The following TCF12 variants were observed in gnomAD, a reference collection of about 807,000 sequenced individuals.
The protein encoded by TCF12 is transcription factor 12.
In TCF12, 45 loss-of-function variants were observed where a neutral mutation model predicts 86.0. That is an observed-to-expected ratio of 0.52 (90% CI 0.41 to 0.67). The LOEUF (loss-of-function observed/expected upper bound fraction) is 0.67, where lower values mean the gene tolerates loss of function less well. Among genes scored for constraint, TCF12 ranks in the 30% least tolerant of loss-of-function variants. TCF12 has a pLI of 0.00. For missense variants in TCF12, 881 were observed against 859.9 expected, an observed-to-expected ratio of 1.02 and a Z score of -0.31; for synonymous variants, 330 against 299.6, an observed-to-expected ratio of 1.10 and a Z score of -1.05.
At chr15:57,185,716 C>T (rs1228080761) in intron 6 of TCF12, among the ~76,000 whole-genome samples, 1 of 152,086 alleles carries the variant, frequency 6.6e-6, no homozygotes, top group Non-Finnish European at 1.5e-5. Context: ...GACCCCATCT[C>T]TACAAAACAA....
intron 8 of TCF12, among the ~76,000 whole-genome samples, chr15:57,220,894 A>AGGG (rs530147562): frequency 6.6e-6 from 1 of 151,980 alleles, no homozygotes; most frequent in Non-Finnish European, 1.5e-5. Flanking sequence ...GGCTTAGTGA[A>AGGG]GGGGGGGAGA....
intron 3 of TCF12, among the ~76,000 whole-genome samples, chr15:56,987,769 G>GT (rs1299641782): frequency 6.6e-6 from 1 of 152,172 alleles, no homozygotes; most frequent in Non-Finnish European, 1.5e-5. Flanking sequence ...CTGATGTGTG[G>GT]TATTCTAATT....
intron 5 of TCF12, among the ~76,000 whole-genome samples, chr15:57,119,282 GTTTGTTTGTTTT>G (rs1336544606): frequency 9.3e-5 from 14 of 151,282 alleles, no homozygotes; most frequent in Admixed American, 7.3e-4. Context: ...TTTTTTGTTT[GTTTGTTTGTTTT>G]TTTGTTTTTT....
At chr15:57,228,781 A>G (rs1245939478) in intron 8 of TCF12, among the ~76,000 whole-genome samples, 2 of 152,020 alleles carry the variant, frequency 1.3e-5, no homozygotes, top group South Asian at 2.1e-4. Flanking sequence ...AGCGAATTGA[A>G]TGGGAATAAG....
intron 5 of TCF12, among the ~76,000 whole-genome samples, chr15:57,161,058 G>C (rs2054474165): frequency 6.6e-6 from 1 of 152,028 alleles, no homozygotes; most frequent in African/African-American, 2.4e-5. Context: ...ATGTTTGATG[G>C]AATGTATGGA....
At chr15:57,021,113 A>C (rs2065452238) in intron 3 of TCF12, among the ~76,000 whole-genome samples, 1 of 152,162 alleles carries the variant, frequency 6.6e-6, no homozygotes, top group African/African-American at 2.4e-5. Context: ...TATAGAACAA[A>C]ATTATGAACA....
chr15:57,084,202 T>C (rs1395284489), intron 4 of TCF12, among the ~76,000 whole-genome samples: 2 of 152,218 alleles, frequency 1.3e-5, no homozygotes, highest in African/African-American at 4.8e-5. Flanking sequence ...ATACTGTTGA[T>C]TTATAGTAGT....
chr15:57,080,038 A>G (rs1351008765), intron 4 of TCF12, among the ~76,000 whole-genome samples: 13 of 152,234 alleles, frequency 8.5e-5, no homozygotes, highest in Non-Finnish European at 1.5e-4. Flanking sequence ...TTTCAAATTG[A>G]AAAATTACAG....
intron 3 of TCF12, among the ~76,000 whole-genome samples, chr15:57,054,725 A>G (rs1478071723): frequency 1.5e-5 from 1 of 68,336 alleles, no homozygotes; most frequent in Admixed American, 1.4e-4. Context: ...TTGGGGTGGG[A>G]TTTTCTTAGG....
intron 5 of TCF12, among the ~76,000 whole-genome samples, chr15:57,156,621 T>C (rs1167297166): frequency 1.3e-5 from 2 of 152,212 alleles, no homozygotes; most frequent in Non-Finnish European, 2.9e-5. Context: ...TCTGCCTTCA[T>C]ATGGCTTTAT....
chr15:57,272,422 A>G (rs1334289859), intron 18 of TCF12, among the ~76,000 whole-genome samples: 3 of 152,234 alleles, frequency 2.0e-5, no homozygotes. Flanking sequence ...CTCTAGAACA[A>G]AAAAATAGCC....
chr15:56,963,963 G>T (rs2061890477), intron 3 of TCF12, among the ~76,000 whole-genome samples: 1 of 152,198 alleles, frequency 6.6e-6, no homozygotes, highest in Non-Finnish European at 1.5e-5. Context: ...TGCTGGGTGT[G>T]TTGACAGGAA....
chr15:56,923,853 A>G (rs775467417), intron 3 of TCF12, among the ~76,000 whole-genome samples: 2 of 152,052 alleles, frequency 1.3e-5, no homozygotes, highest in African/African-American at 2.4e-5. Context: ...CTAGAATGTC[A>G]TTTTAACTAT....
intron 4 of TCF12, among the ~76,000 whole-genome samples, chr15:57,087,586 A>G (rs1316272741): frequency 6.6e-6 from 1 of 152,122 alleles, no homozygotes; most frequent in Non-Finnish European, 1.5e-5. Context: ...TACTTTATAG[A>G]CCACATTTTA....
chr15:56,963,509 T>A (rs2061868139), intron 3 of TCF12, among the ~76,000 whole-genome samples: 2 of 152,190 alleles, frequency 1.3e-5, no homozygotes, highest in African/African-American at 4.8e-5. Flanking sequence ...TTAACTAAAG[T>A]GCCAGGCTTC....
rs187456574 is a variant in TCF12, at chr15:57,194,241, C to T, written c.526+1948C>T. 2.9e-5 allele frequency among the ~76,000 whole-genome samples: 4 copies of T among 138,438 alleles called. No individual in the cohort carries two copies. In the South Asian group the frequency reaches 1.0e-3, roughly 35 times the overall value. 90.8% of individuals were successfully genotyped at this position (138,438 alleles called of 152,430 possible). A position where few individuals can be genotyped will look rare whatever the true frequency, so the allele number is the denominator to read the frequency against. On this transcript the variant is annotated intron_variant, in intron 7 of 20. Transcript: ENST00000333725. ...TTAATTTTGATTATGATGATAGACA[C>T]TATTGATTGTCTCTTCCATGCCAGG...
intron 3 of TCF12, among the ~76,000 whole-genome samples, chr15:56,960,042 A>C (rs573593731): frequency 6.6e-6 from 1 of 151,464 alleles, no homozygotes; most frequent in African/African-American, 2.4e-5. Flanking sequence ...TTTTGCACCA[A>C]CCCAATACTA....
intron 5 of TCF12, among the ~76,000 whole-genome samples, chr15:57,105,619 C>A (rs1412325115): frequency 6.6e-6 from 1 of 152,148 alleles, no homozygotes; most frequent in Non-Finnish European, 1.5e-5. Flanking sequence ...ACCATGTTGG[C>A]CAGGCTGGCC....
intron 3 of TCF12, among the ~76,000 whole-genome samples, chr15:56,950,681 C>T (rs1363495961): frequency 1.4e-5 from 2 of 148,106 alleles, no homozygotes; most frequent in Non-Finnish European, 3.0e-5. Context: ...ATTTCCTCTC[C>T]TGTTAATGGA....
Sources: allele counts gnomAD v4.1 joint callset (sites outside exome capture counted in the v4.1 genomes callset), GRCh38; gene constraint gnomAD v4.1.1; transcripts MANE v1.5; gene names NCBI Gene and HGNC (gene_info 2026-07-23, HGNC 2026-07-21).